Variants in STT3A observed in about 807,000 individuals in gnomAD.
STT3A encodes the protein STT3 oligosaccharyltransferase complex catalytic subunit A.
Under a neutral mutation model 89.2 loss-of-function variants are expected in STT3A, and 34 were observed. The observed-to-expected ratio is 0.38, with a 90% CI of 0.29 to 0.51. The LOEUF is 0.51. Among genes scored for constraint, STT3A ranks in the 20% least tolerant of loss-of-function variants. The pLI is 0.89. For synonymous variants in STT3A, 282 were observed against 310.3 expected (o/e 0.91, Z 0.96); for missense variants, 555 against 889.5 (o/e 0.62, Z 4.78).
chr11:125,615,801 A>C (rs1180455434), intron 15 of STT3A, among the ~76,000 whole-genome samples: 1 of 152,284 alleles, frequency 6.6e-6, no homozygotes, highest in East Asian at 1.9e-4. Flanking sequence ...CTGTAATCTG[A>C]GCACTTTGGG....
chr11:125,599,108 C>T (rs1277682457), intron 3 of STT3A, among the ~76,000 whole-genome samples: 1 of 152,178 alleles, frequency 6.6e-6, no homozygotes, highest in Non-Finnish European at 1.5e-5. Flanking sequence ...CAGACCTATT[C>T]CTACTAACTT....
intron 7 of STT3A, 38 bp downstream of exon 7, chr11:125,605,773 C>T: frequency 6.5e-7 from 1 of 1,540,560 alleles, no homozygotes; most frequent in Non-Finnish European, 9.0e-7. Flanking sequence ...TTAAAGTTCT[C>T]TAAATACTGT....
rs759346681 is a variant in STT3A, at chr11:125,613,108, G to T, written c.1485G>T (p.Gly495=). ...SPSIVLSARG[G]DGSRIIFDDF... is the part of the protein sequence containing the mutation. ...CCATTGTACTATCTGCCCGTGGTGG[G>T]GATGGCAGTAGGATCATATTTGATG... is the stretch of plus-strand genomic sequence containing the variant. The change falls in exon 13 of 18, where the codon GGG becomes GGT. Residue 495 remains glycine (G), a synonymous_variant. Transcript: ENST00000392708. This position sits in a 1 kb window ranked among gnomAD's most constrained non-coding sequence, Gnocchi z 4.2. The T allele has an allele frequency of 1.9e-6, 3 of 1,614,000 alleles. No homozygotes were observed. Among genetic ancestry groups the T allele is most frequent in the Non-Finnish European group, 2.5e-6 (3 of 1,180,036 alleles).
chr11:125,596,789 T>G (rs1320850314), intron 2 of STT3A, among the ~76,000 whole-genome samples: 1 of 152,134 alleles, frequency 6.6e-6, no homozygotes, highest in Non-Finnish European at 1.5e-5. Context: ...AAGTTGAGTT[T>G]GGTATTAGTA....
At chr11:125,603,090 C>T in intron 5 of STT3A, 142 bp downstream of exon 5, 1 of 957,438 alleles carries the variant, frequency 1.0e-6, no homozygotes, top group Non-Finnish European at 1.5e-6. Context: ...AATTAATTGG[C>T]TTCACTCCAA....
chr11:125,612,695 C>T lies in STT3A; in HGVS notation c.1313C>T (p.Pro438Leu), dbSNP rs1383636042. The T allele has an allele frequency of 1.9e-6, 3 of 1,613,942 alleles. No homozygotes were observed. The African/African-American group carries it at 4.0e-5, about 22-fold the overall frequency. The change falls in exon 12 of 18, where the codon CCA becomes CTA. Residue 438 changes from proline (P) to leucine (L), a missense_variant. By Grantham distance (98) the Pro-to-Leu change is moderately conservative. Coordinates refer to ENST00000392708, the MANE Select transcript of STT3A (RefSeq NM_152713.5). ...ATGAAGAATCTGGACATAAGTCGTC[C>T]AGACAAGAAGAGCAAGAAGCAACAG... Reference protein sequence around the residue: ...TYMKNLDISRPDKKSKKQQDS... With the variant: ...TYMKNLDISRLDKKSKKQQDS...
chr11:125,596,515 C>G (rs1022032863), intron 2 of STT3A, among the ~76,000 whole-genome samples: 1 of 152,178 alleles, frequency 6.6e-6, no homozygotes, highest in African/African-American at 2.4e-5. Context: ...GCATGCTGTG[C>G]CAATTCTGTT....
At chr11:125,607,796 A>T (rs1157840103) in intron 8 of STT3A, among the ~76,000 whole-genome samples, 2 of 152,228 alleles carry the variant, frequency 1.3e-5, no homozygotes, top group Non-Finnish European at 2.9e-5. Context: ...ATGATATTTG[A>T]GTTGGACCTT....
intron 6 of STT3A, 47 bp from the exon 7 acceptor site, chr11:125,605,582 A>G (rs200217686): frequency 4.9e-5 from 69 of 1,412,908 alleles, no homozygotes; most frequent in East Asian, 3.9e-4. Context: ...CTTAATGACT[A>G]TACTAGCCTG....
intron 16 of STT3A, 58 bp downstream of exon 16, chr11:125,618,619 A>G: frequency 3.3e-6 from 5 of 1,506,924 alleles, no homozygotes; most frequent in Non-Finnish European, 4.5e-6. Flanking sequence ...ACTAATACAC[A>G]GTATTTTCCA....
At chr11:125,595,704 A>C (rs138917411) in intron 1 of STT3A, among the ~76,000 whole-genome samples, 177 bp from the exon 2 acceptor site, 166 of 152,250 alleles carry the variant, frequency 1.1e-3, no homozygotes, top group Non-Finnish European at 1.7e-3. Context: ...ACTTGTGCCT[A>C]CTTCCTTGCA....
chr11:125,618,343 G>T lies in STT3A; in HGVS notation c.1775-30G>T. ...CTTTAACTCCAGCAACTTTTGTGAT[G>T]CAGCAGTTCTTTTTTTTTTTTTCTC... is the stretch of plus-strand genomic sequence containing the variant. On this transcript the variant is annotated intron_variant, in intron 15 of 17. Coordinates refer to ENST00000392708, the MANE Select transcript of STT3A (RefSeq NM_152713.5). 7 of 1,554,496 alleles carry T rather than the reference G, an allele frequency of 4.5e-6. No individual in the cohort carries two copies. The South Asian group carries it at 7.3e-5, about 16-fold the overall frequency.
intron 15 of STT3A, among the ~76,000 whole-genome samples, chr11:125,617,270 A>G (rs1399733068): frequency 3.9e-5 from 6 of 152,192 alleles, no homozygotes; most frequent in African/African-American, 1.4e-4. Flanking sequence ...GTTACTCATA[A>G]TAACAGCCCT....
In STT3A at chr11:125,601,694, C is replaced by G. The variant is rs139559001; in HGVS notation, c.150-609C>G. 1.3e-3 allele frequency among the ~76,000 whole-genome samples: 202 copies of G among 152,232 alleles called. 1 individual carries two copies. Among genetic ancestry groups the G allele is most frequent in the African/African-American group, 4.7e-3 (196 of 41,548 alleles). On this transcript the variant is annotated intron_variant, in intron 3 of 17. Transcript: ENST00000392708. ...TCTCAGTGGCTTTGTCTTCATGGTGCTTGAATTCTCTGACTGGTCCTAATG... is the reference window on the plus strand; with the variant it reads ...TCTCAGTGGCTTTGTCTTCATGGTGGTTGAATTCTCTGACTGGTCCTAATG...
intron 11 of STT3A, 143 bp downstream of exon 11, chr11:125,611,662 T>C (rs1458774017): frequency 1.4e-6 from 1 of 733,116 alleles, no homozygotes; most frequent in Admixed American, 3.0e-5. Flanking sequence ...AAGTTGTTGA[T>C]CCTTTCCAGG....
At position 125,602,297 on chromosome 11, in the gene STT3A, C is replaced by A; in HGVS notation, c.150-6C>A. The A allele has an allele frequency of 6.2e-7, 1 of 1,610,130 alleles. No individual in the cohort carries two copies. The highest frequency in any genetic ancestry group is 8.5e-7 in the Non-Finnish European group (1 of 1,178,944). On this transcript the variant is annotated splice_region_variant and splice_polypyrimidine_tract_variant and intron_variant, in intron 3 of 17. Coordinates refer to ENST00000392708, the MANE Select transcript of STT3A (RefSeq NM_152713.5). ...AATTTACAACAAAGTTTATTTCTTG[C>A]TATAGGTACTTTAATTATCGGACTA...
At chr11:125,601,158 G>T (rs917344269) in intron 3 of STT3A, among the ~76,000 whole-genome samples, 2 of 152,162 alleles carry the variant, frequency 1.3e-5, no homozygotes, top group Admixed American at 6.5e-5. Context: ...AGTAGACCTT[G>T]TTAAAAGTTT....
In STT3A at chr11:125,614,572, T is replaced by C; in HGVS notation, c.1774+146T>C. On this transcript the variant is annotated intron_variant, in intron 15 of 17. Transcript: ENST00000392708. This position sits in a 1 kb window ranked among gnomAD's most constrained non-coding sequence, Gnocchi z 4.9. The stretch of plus-strand genomic sequence containing the variant: ...TCCTAAGTATTTGCAACTTGAGGTT[T>C]GGGTATTTTGATTTTTTTCTTTTTG... The C allele has an allele frequency of 1.3e-6, 1 of 785,978 alleles. No individual in the cohort carries two copies. The highest frequency in any genetic ancestry group is 1.9e-5 in the South Asian group (1 of 53,416). The allele number at this position is 785,978 out of a possible 1,614,324, so 48.7% of individuals were successfully genotyped here.
chr11:125,601,549 G>A (rs777567440), intron 3 of STT3A, among the ~76,000 whole-genome samples: 24 of 152,062 alleles, frequency 1.6e-4, no homozygotes, highest in Non-Finnish European at 3.1e-4. Flanking sequence ...CTTGAACTCC[G>A]TAGGCAGAGG....
Sources: allele counts gnomAD v4.1 joint callset (sites outside exome capture counted in the v4.1 genomes callset), GRCh38; gene constraint gnomAD v4.1.1; non-coding constraint Gnocchi (gnomAD v3.1); transcripts MANE v1.5; gene names NCBI Gene and HGNC (gene_info 2026-07-23, HGNC 2026-07-21).